The following ZNF512B variants were observed in gnomAD, a reference collection of about 807,000 sequenced individuals.
ZNF512B encodes the protein zinc finger protein 512B.
A neutral mutation model predicts 87.8 loss-of-function variants in ZNF512B; 22 were observed. The observed-to-expected ratio is 0.25, with a 90% confidence interval of 0.18 to 0.36. The LOEUF is 0.36. Ranked by LOEUF, ZNF512B falls within the 10% of genes least tolerant of loss-of-function variation. ZNF512B has a pLI of 1.00. For synonymous variants in ZNF512B, 524 were observed against 490.9 expected (o/e 1.07, Z -0.89); for missense variants, 1,060 against 1,231.6 (o/e 0.86, Z 2.09).
Position 63,967,446 on chromosome 20 carries a change from C to T in ZNF512B, c.199G>A (p.Asp67Asn), listed in dbSNP as rs751403153. The T allele has an allele frequency of 1.9e-6, 3 of 1,613,436 alleles. No homozygotes were observed. Among genetic ancestry groups the T allele is most frequent in the Non-Finnish European group, 2.5e-6 (3 of 1,179,708 alleles). ...LCFDPGSPAS[D>N]KTEGKKKGRP... ...CCCTTTTTCTTCCCTTCTGTCTTGT[C>T]ACTGGCTGGACTTCCCGGGTCAAAG... The change falls in exon 3 of 17, where the codon GAC becomes AAC. Residue 67 changes from aspartate (D) to asparagine (N), a missense_variant. Asp to Asn is a conservative substitution (Grantham distance 23). Transcript: ENST00000369888.
At position 63,962,008 on chromosome 20, in the gene ZNF512B, C is replaced by T. The variant is rs368044428; in HGVS notation, c.2266-4G>A. ...TGGAGTAGATGGCTTCACAGCACTG[C>T]AGGGAAGGGAGCCGTGGGCGAAGGC... On this transcript the variant is annotated splice_polypyrimidine_tract_variant and splice_region_variant and intron_variant, in intron 14 of 16. Transcript: ENST00000369888. 2 of 1,550,828 alleles carry T rather than the reference C, an allele frequency of 1.3e-6. No homozygotes were observed. The highest frequency in any genetic ancestry group is 1.7e-6 in the Non-Finnish European group (2 of 1,146,930).
rs1040276516 is a variant in ZNF512B at position 63,958,231 on chromosome 20, T to C, written c.*1657A>G. 6.6e-6 allele frequency: 1 copy of C among 152,068 alleles called. No individual in the cohort carries two copies. The highest frequency in any genetic ancestry group is 1.5e-5 in the Non-Finnish European group (1 of 67,986). The allele number at this position is 152,068 out of a possible 1,614,324, so 9.4% of individuals were successfully genotyped here. A position where few individuals can be genotyped will look rare whatever the true frequency, so the allele number is the denominator to read the frequency against. ...CTGGGGAATGGGGGAGGGTGGGTGC[T>C]GGGGGCAGAGGCAGTGCCCAGTCAG... On this transcript the variant is annotated 3_prime_UTR_variant, in exon 17 of 17. Transcript: ENST00000369888.
intron 16 of ZNF512B, among the ~76,000 whole-genome samples, chr20:63,960,570 CA>C (rs2058839949): frequency 2.3e-4 from 27 of 116,312 alleles, no homozygotes; most frequent in Non-Finnish European, 3.6e-4. Flanking sequence ...ACACAGCCTT[CA>C]GGACCAGGCA....
rs967142639 is a variant in ZNF512B, at chr20:63,958,589, T to C, written c.*1299A>G. The C allele has an allele frequency of 1.4e-5, 2 of 142,000 alleles. No individual in the cohort carries two copies. The highest frequency in any genetic ancestry group is 1.4e-4 in the Admixed American group (2 of 14,354). 8.8% of individuals were successfully genotyped at this position (142,000 alleles called of 1,614,324 possible). ...CCTCTGAGCCTCATCCTCCCTGCAATGCCGTGGTTGGAAGGCAGGACCCCA... is the reference window on the plus strand; with the variant it reads ...CCTCTGAGCCTCATCCTCCCTGCAACGCCGTGGTTGGAAGGCAGGACCCCA... On this transcript the variant is annotated 3_prime_UTR_variant, in exon 17 of 17. Transcript: ENST00000369888.
rs1195604749 is a variant in ZNF512B, at chr20:63,962,343, A to G, written c.2195T>C (p.Leu732Pro). ...CCATGCCTCTAGCAGCTGGGGGTTC[A>G]GCGTGGGGAGCCCTGGTCGAGTGTA... is the stretch of plus-strand genomic sequence containing the variant. ...LNYTRPGLPTLNPQLLEAWKN... is the reference protein window; with the variant it reads ...LNYTRPGLPTPNPQLLEAWKN... The change falls in exon 14 of 17, where the codon CTG (leucine) becomes CCG (proline). Residue 732 changes from leucine (L) to proline (P), a missense_variant. Physicochemically the swap from Leu to Pro is moderately conservative, Grantham distance 98 (BLOSUM62 -3). Around this residue, in one of 9 missense-constraint regions of ZNF512B, gnomAD observed 253 missense variants for 259.2 expected, o/e 0.98. Coordinates refer to ENST00000369888, the MANE Select transcript of ZNF512B (RefSeq NM_020713.3). The G allele has an allele frequency of 3.1e-6, 5 of 1,612,680 alleles. No homozygotes were observed. Among genetic ancestry groups the G allele is most frequent in the Admixed American group, 1.7e-5 (1 of 59,966 alleles).
chr20:63,969,193 C>T lies in ZNF512B; in HGVS notation c.-3+621G>A, dbSNP rs1043073355. 1.7e-5 allele frequency: 17 copies of T among 985,292 alleles called. No individual in the cohort carries two copies. The African/African-American group carries it at 3.0e-4, about 17-fold the overall frequency. The allele number at this position is 985,292 out of a possible 1,614,324, so 61.0% of individuals were successfully genotyped here. A position where few individuals can be genotyped will look rare whatever the true frequency, so the allele number is the denominator to read the frequency against. ...TCCCAGCACCTGATGACCCCGGTGG[C>T]CTGGGGTGCAGGTGCCTGCTGAGGC... is the stretch of plus-strand genomic sequence containing the variant. On this transcript the variant is annotated intron_variant, in intron 1 of 16. Transcript: ENST00000369888.
chr20:63,964,105 C>T lies in ZNF512B; in HGVS notation c.1446G>A (p.Lys482=), dbSNP rs759201145. 6.2e-7 allele frequency: 1 copy of T among 1,610,436 alleles called. No homozygotes were observed. Among genetic ancestry groups the T allele is most frequent in the African/African-American group, 1.3e-5 (1 of 75,000 alleles). Residue 482 remains lysine, a synonymous_variant, in exon 8 of 17, where the codon AAG becomes AAA. Coordinates refer to ENST00000369888, the MANE Select transcript of ZNF512B (RefSeq NM_020713.3). The part of the protein sequence containing the change: ...KVPAAPITVS[K]EAPAPVAHPA... ...GGTGGGCCACAGGGGCCGGTGCCTC[C>T]TTGCTGACAGTGATGGGGGCAGCTG...
At chr20:63,967,322 G>A (rs2058938347) in intron 3 of ZNF512B, 59 bp downstream of exon 3, 2 of 1,536,742 alleles carry the variant, frequency 1.3e-6, no homozygotes, top group African/African-American at 2.8e-5. Flanking sequence ...TCAGGGCAGG[G>A]CAGTGGCTGG....
chr20:63,962,339 G>A lies in ZNF512B; in HGVS notation c.2199C>T (p.Asn733=), dbSNP rs939271387. 3.1e-6 allele frequency: 5 copies of A among 1,612,914 alleles called. No individual in the cohort carries two copies. The Admixed American group carries it at 5.0e-5, about 16-fold the overall frequency. Reference sequence around the variant, plus strand: ...TCTTCCATGCCTCTAGCAGCTGGGGGTTCAGCGTGGGGAGCCCTGGTCGAG... The same window carrying A: ...TCTTCCATGCCTCTAGCAGCTGGGGATTCAGCGTGGGGAGCCCTGGTCGAG... ...NYTRPGLPTL[N]PQLLEAWKNE... Residue 733 remains asparagine, a synonymous_variant, in exon 14 of 17, where the codon AAC becomes AAT. Transcript: ENST00000369888.
Position 63,966,349 on chromosome 20 carries a change from T to C in ZNF512B, c.826A>G (p.Ile276Val), listed in dbSNP as rs1458638450. ...ACTGTCACAAGCTTTGTTACCGTAA[T>C]GGGTTTGGTGACAGGTACGGGTTTG... is the stretch of plus-strand genomic sequence containing the variant. The part of the protein sequence containing the change: ...VTKPVPVTKP[I>V]TVTKLVTVTK... Residue 276 changes from isoleucine to valine, a missense_variant, in exon 5 of 17, where the codon ATT becomes GTT. Coordinates refer to ENST00000369888, the MANE Select transcript of ZNF512B (RefSeq NM_020713.3). The C allele has an allele frequency of 3.8e-6, 6 of 1,593,424 alleles. No homozygotes were observed. The highest frequency in any genetic ancestry group is 2.2e-5 in the East Asian group (1 of 44,828).
intron 14 of ZNF512B, 53 bp from the exon 15 acceptor site, chr20:63,962,057 GA>G (rs2058858645): frequency 6.5e-7 from 1 of 1,530,406 alleles, no homozygotes; most frequent in African/African-American, 1.4e-5. Flanking sequence ...CCCACACCAA[GA>G]TATACCCCTG....
At position 63,963,191 on chromosome 20, in the gene ZNF512B, C is replaced by A; in HGVS notation, c.1872G>T (p.Glu624Asp). The A allele has an allele frequency of 1.3e-6, 2 of 1,547,440 alleles. No homozygotes were observed. Among genetic ancestry groups the A allele is most frequent in the Non-Finnish European group, 1.7e-6 (2 of 1,150,972 alleles). Residue 624 changes from glutamate (E) to aspartate (D), a missense_variant, in exon 12 of 17, where the codon GAG becomes GAT. By Grantham distance (45) the Glu-to-Asp change is conservative. This residue lies in a region of ZNF512B where 165 missense variants were observed against 173.0 expected (regional missense o/e 0.95). Coordinates refer to ENST00000369888, the MANE Select transcript of ZNF512B (RefSeq NM_020713.3). ...HQRRCGKPPC[E>D]VDSPSFPCTH... Reference sequence around the variant, plus strand: ...TGCAGGGGAAGGAGGGGCTGTCCACCTCGCAGGGCGGCTTCCCGCAGCGCC... The same window carrying A: ...TGCAGGGGAAGGAGGGGCTGTCCACATCGCAGGGCGGCTTCCCGCAGCGCC...
rs777652825 is a variant in ZNF512B, at chr20:63,964,266, G to A, written c.1334-49C>T. On this transcript the variant is annotated intron_variant, in intron 7 of 16. Transcript: ENST00000369888. ...AGAAACAGGGATGGGCTCAGGGGCTGTCACTCGGTGGACAGCCCCAGCCCT... is the reference window on the plus strand; with the variant it reads ...AGAAACAGGGATGGGCTCAGGGGCTATCACTCGGTGGACAGCCCCAGCCCT... The A allele has an allele frequency of 3.1e-6, 5 of 1,612,578 alleles. No individual in the cohort carries two copies. In the Admixed American group the frequency reaches 8.4e-5, roughly 27 times the overall value.
In ZNF512B at chr20:63,964,098, G is replaced by A. The variant is rs1221926052; in HGVS notation, c.1453C>T (p.Pro485Ser). The A allele has an allele frequency of 3.1e-6, 5 of 1,609,826 alleles. No homozygotes were observed. The highest frequency in any genetic ancestry group is 4.2e-6 in the Non-Finnish European group (5 of 1,179,426). The change falls in exon 8 of 17, where the codon CCG (proline) becomes TCG (serine). Residue 485 changes from proline (P) to serine (S), a missense_variant. Transcript: ENST00000369888. ...AAPITVSKEA[P>S]APVAHPAPGG... The stretch of plus-strand genomic sequence containing the variant: ...GGAGCTGGGTGGGCCACAGGGGCCG[G>A]TGCCTCCTTGCTGACAGTGATGGGG...
chr20:63,962,916 C>A, intron 12 of ZNF512B, 135 bp from the exon 13 acceptor site: 4 of 1,261,950 alleles, frequency 3.2e-6, no homozygotes, highest in Non-Finnish European at 4.3e-6. Flanking sequence ...ACGCAGGCAA[C>A]CCGAGGGAAC....
chr20:63,967,080 C>T (rs1275824338), intron 3 of ZNF512B, 76 bp from the exon 4 acceptor site: 9 of 1,586,342 alleles, frequency 5.7e-6, no homozygotes, highest in South Asian at 4.5e-5. Flanking sequence ...AGACTCAGAG[C>T]CCCCCCGGGC....
rs1279320221 is a variant in ZNF512B at position 63,964,594 on chromosome 20, C to T, written c.1157G>A (p.Ser386Asn). The change falls in exon 6 of 17, where the codon AGT (serine) becomes AAT (asparagine). Residue 386 changes from serine (S) to asparagine (N), a missense_variant. By Grantham distance (46) the Ser-to-Asn change is conservative. Transcript: ENST00000369888. The stretch of plus-strand genomic sequence containing the variant: ...CCTGCTGCCTGGCGACAAGGAGCCA[C>T]TGCTGGTGTCTGCACTCAGCTGGAA... ...SAFQLSADTS[S>N]GSLSPGSRPS... The T allele has an allele frequency of 6.2e-7, 1 of 1,613,294 alleles. No individual in the cohort carries two copies. The highest frequency in any genetic ancestry group is 1.7e-5 in the Admixed American group (1 of 60,024).
rs541608366 is a variant in ZNF512B, at chr20:63,963,852, G to C, written c.1542C>G (p.Thr514=). ...IHERGEAVCP[T]CNVVTRKTLV... is the part of the protein sequence containing the mutation. ...GAGTCTTCCGGGTGACCACGTTGCAGGTGGGGCAGACGGCTTCCCCGCGCT... is the reference window on the plus strand; with the variant it reads ...GAGTCTTCCGGGTGACCACGTTGCACGTGGGGCAGACGGCTTCCCCGCGCT... The change falls in exon 9 of 17, where the codon ACC becomes ACG. Residue 514 remains threonine (T), a synonymous_variant. Coordinates refer to ENST00000369888, the MANE Select transcript of ZNF512B (RefSeq NM_020713.3). 6 of 1,612,772 alleles carry C rather than the reference G, an allele frequency of 3.7e-6. No individual in the cohort carries two copies. The South Asian group carries it at 6.6e-5, about 18-fold the overall frequency.
chr20:63,968,237 C>T (rs764314649), intron 1 of ZNF512B, among the ~76,000 whole-genome samples: 6 of 152,234 alleles, frequency 3.9e-5, no homozygotes, highest in African/African-American at 9.6e-5. Context: ...CTTCCCAACA[C>T]GCAGCTCTAC....
Sources: gnomAD v4.1 joint callset for allele counts (sites outside exome capture counted in the v4.1 genomes callset) on GRCh38, gnomAD v4.1.1 for gene constraint, gnomAD v4.1.1 regional missense constraint, MANE v1.5 for transcripts, NCBI Gene and HGNC (gene_info 2026-07-23, HGNC 2026-07-21) for gene names.